The following PCDHA8 variants were observed in gnomAD, a reference collection of about 807,000 sequenced individuals.
The protein encoded by PCDHA8 is protocadherin alpha-8.
In PCDHA8, 53 loss-of-function variants were observed where a neutral mutation model predicts 61.8. That is an observed-to-expected ratio of 0.86 (90% confidence interval 0.69 to 1.08). The LOEUF is 1.08. PCDHA8 is among the 50% of genes least tolerant of loss of function. The pLI, the probability that PCDHA8 is intolerant of heterozygous loss-of-function variation, is 0.00. For missense variants in PCDHA8, 1,293 were observed against 1,245.0 expected (o/e 1.04, Z -0.58); for synonymous variants, 618 against 556.6 (o/e 1.11, Z -1.55).
chr5:140,934,688 A>G (rs1554210048), intron 1 of PCDHA8, among the ~76,000 whole-genome samples: 2 of 152,186 alleles, frequency 1.3e-5, no homozygotes, highest in African/African-American at 4.8e-5. Flanking sequence ...CAAAACAATG[A>G]ATTGATTCCT....
At chr5:140,963,705 C>T (rs1351751729) in intron 1 of PCDHA8, among the ~76,000 whole-genome samples, 1 of 152,130 alleles carries the variant, frequency 6.6e-6, no homozygotes, top group Non-Finnish European at 1.5e-5. Flanking sequence ...ATCTAAAGGG[C>T]CATGCTACAT....
chr5:140,896,074 A>C (rs1251086240), intron 1 of PCDHA8, among the ~76,000 whole-genome samples: 1 of 151,976 alleles, frequency 6.6e-6, no homozygotes, highest in African/African-American at 2.4e-5. Context: ...GCCTCCCAAC[A>C]TGCTGGGATT....
chr5:140,911,381 G>A (rs2075444647), intron 1 of PCDHA8, among the ~76,000 whole-genome samples: 1 of 152,116 alleles, frequency 6.6e-6, no homozygotes, highest in African/African-American at 2.4e-5. Context: ...GGCTGTGCAT[G>A]CACCTTTCAT....
intron 1 of PCDHA8, chr5:140,852,001 C>G (rs2042214693): frequency 1.0e-6 from 1 of 975,480 alleles, no homozygotes; most frequent in East Asian, 1.1e-4. Context: ...TGTTTGTTTT[C>G]TAATTTATAG....
chr5:140,883,518 G>A, intron 1 of PCDHA8: 2 of 1,614,234 alleles, frequency 1.2e-6, no homozygotes, highest in South Asian at 1.1e-5. Flanking sequence ...GACCGCGAGA[G>A]CGTATCAGCC....
At position 140,842,504 on chromosome 5, in the gene PCDHA8, T is replaced by C. The variant is rs1554139112; in HGVS notation, c.1183T>C (p.Phe395Leu). ...VTCSLMPHVP[F>L]KLVSTFKNYY... ...CTGCTCCCTGATGCCCCATGTCCCC[T>C]TCAAGCTGGTGTCCACCTTCAAGAA... is the stretch of plus-strand genomic sequence containing the variant. Residue 395 changes from phenylalanine to leucine, a missense_variant, in exon 1 of 4, where the codon TTC (phenylalanine) becomes CTC (leucine). Transcript: ENST00000531613. The C allele has an allele frequency of 5.6e-6, 9 of 1,613,696 alleles. No homozygotes were observed. Among genetic ancestry groups the C allele is most frequent in the Non-Finnish European group, 7.6e-6 (9 of 1,179,764 alleles).
At chr5:140,850,702 A>G in intron 1 of PCDHA8, 1 of 1,598,166 alleles carries the variant, frequency 6.3e-7, no homozygotes, top group Middle Eastern at 1.7e-4. Flanking sequence ...GCGCCTGGCA[A>G]GCCGACGCTG....
At chr5:140,897,485 A>G (rs1189975695) in intron 1 of PCDHA8, among the ~76,000 whole-genome samples, 2 of 151,884 alleles carry the variant, frequency 1.3e-5, no homozygotes, top group African/African-American at 4.8e-5. Flanking sequence ...GATGATTTCC[A>G]ATTTCAACCA....
rs2150314975 is a variant in PCDHA8, at chr5:140,841,416, A to G, written c.95A>G (p.His32Arg). 6 of 1,613,024 alleles carry G rather than the reference A, an allele frequency of 3.7e-6. No homozygotes were observed. The South Asian group carries it at 6.6e-5, about 18-fold the overall frequency. Residue 32 changes from histidine to arginine, a missense_variant, in exon 1 of 4, where the codon CAC becomes CGC. Physicochemically the swap from His to Arg is conservative, Grantham distance 29 (BLOSUM62 0). Coordinates refer to ENST00000531613, the MANE Select transcript of PCDHA8 (RefSeq NM_018911.3). Reference sequence around the variant, plus strand: ...TGGAAGGTGGGGAGCGGCCAGCTCCACTACTCCGTCCCCGAGGAGGCCAAA... The same window carrying G: ...TGGAAGGTGGGGAGCGGCCAGCTCCGCTACTCCGTCCCCGAGGAGGCCAAA... Reference protein sequence around the residue: ...AAWKVGSGQLHYSVPEEAKHG... With the variant: ...AAWKVGSGQLRYSVPEEAKHG...
chr5:140,873,436 A>G (rs1159512158), intron 1 of PCDHA8, among the ~76,000 whole-genome samples: 1 of 152,214 alleles, frequency 6.6e-6, no homozygotes, highest in Non-Finnish European at 1.5e-5. Flanking sequence ...TTTATATCAC[A>G]TAAATAACAA....
rs781989346 is a variant in PCDHA8 at position 140,869,537 on chromosome 5, C to CT, written c.2394+25823dup. 1.6e-5 allele frequency: 26 copies of CT among 1,614,202 alleles called. 1 individual carries two copies. The highest frequency in any genetic ancestry group is 1.9e-5 in the Non-Finnish European group (23 of 1,180,050). ...GAACAAAAGCTGCTGATTGCGGAAT[C>CT]TAAGCAATCGGACTCGCGTTTTCCA... On this transcript the variant is annotated intron_variant, in intron 1 of 3. Coordinates refer to ENST00000531613, the MANE Select transcript of PCDHA8 (RefSeq NM_018911.3).
intron 1 of PCDHA8, among the ~76,000 whole-genome samples, chr5:140,941,248 T>TTTCTTTC (rs2092963388): frequency 1.4e-5 from 2 of 141,492 alleles, no homozygotes; most frequent in African/African-American, 5.3e-5. Context: ...TCTTTCTTTC[T>TTTCTTTC]TTCTTTCTCT....
At chr5:140,978,909 C>G (rs782321430) in intron 1 of PCDHA8, 40 bp from the exon 2 acceptor site, 2 of 1,613,660 alleles carry the variant, frequency 1.2e-6, no homozygotes, top group South Asian at 2.2e-5. Context: ...AGAACATTGT[C>G]TTGTCATTTT....
chr5:140,932,593 A>G (rs1347990722), intron 1 of PCDHA8, among the ~76,000 whole-genome samples: 1 of 151,922 alleles, frequency 6.6e-6, no homozygotes, highest in African/African-American at 2.4e-5. Flanking sequence ...GATGTTTTGT[A>G]TATCTATTTT....
In PCDHA8 at chr5:140,960,243, G is replaced by A. The variant is rs531821446; in HGVS notation, c.2395-18706G>A. On this transcript the variant is annotated intron_variant, in intron 1 of 3. Coordinates refer to ENST00000531613, the MANE Select transcript of PCDHA8 (RefSeq NM_018911.3). The stretch of plus-strand genomic sequence containing the variant: ...AGAAACAGAGCCATGGTAAAAAGAA[G>A]CTTCCTGGAGCTTCTGATAAATTCC... 3.9e-5 allele frequency among the ~76,000 whole-genome samples: 6 copies of A among 152,270 alleles called. No individual in the cohort carries two copies. The East Asian group carries it at 1.2e-3, about 29-fold the overall frequency.
Position 141,010,110 on chromosome 5 carries a change from A to C in PCDHA8, c.*173A>C. On this transcript the variant is annotated 3_prime_UTR_variant, in exon 4 of 4. Coordinates refer to ENST00000531613, the MANE Select transcript of PCDHA8 (RefSeq NM_018911.3). ...GAACGCATTTAACAGGTTTTGTCGT[A>C]AAAGCTTTACTAAGTCTGGTGTTAA... 6.2e-7 allele frequency: 1 copy of C among 1,611,166 alleles called. No individual in the cohort carries two copies. The highest frequency in any genetic ancestry group is 8.5e-7 in the Non-Finnish European group (1 of 1,178,396).
At chr5:140,857,386 C>T (rs782509093) in intron 1 of PCDHA8, 1 of 1,598,308 alleles carries the variant, frequency 6.3e-7, no homozygotes. Context: ...AGGTGGCCGA[C>T]GTGAACGACA....
intron 1 of PCDHA8, among the ~76,000 whole-genome samples, chr5:140,950,049 CTATT>C (rs2094445672): frequency 1.3e-5 from 2 of 151,756 alleles, no homozygotes; most frequent in Non-Finnish European, 3.0e-5. Flanking sequence ...CCATATAAGA[CTATT>C]TAGCTCTTCC....
At chr5:141,003,676 C>T (rs2098133802) in intron 3 of PCDHA8, among the ~76,000 whole-genome samples, 2 of 152,124 alleles carry the variant, frequency 1.3e-5, no homozygotes, top group East Asian at 1.9e-4. Context: ...ATATGTTGTT[C>T]TGATTTTAAA....
Sources: allele counts gnomAD v4.1 joint callset (sites outside exome capture counted in the v4.1 genomes callset), GRCh38; gene constraint gnomAD v4.1.1; transcripts MANE v1.5; gene names NCBI Gene and HGNC (gene_info 2026-07-23, HGNC 2026-07-21).